The following RNF130 variants were observed in gnomAD, a reference collection of about 807,000 sequenced individuals.
The protein encoded by RNF130 is ring finger protein 130.
In RNF130, 21 loss-of-function variants were observed where a neutral mutation model predicts 44.6. That is an observed-to-expected ratio of 0.47 (90% CI 0.33 to 0.68). RNF130 has a LOEUF of 0.68. RNF130 is among the 30% of genes least tolerant of loss of function. The probability of loss-of-function intolerance (pLI) is 0.02; values close to 1 mark genes in which losing one functional copy is unlikely to be tolerated. For missense variants in RNF130, 479 were observed against 560.6 expected (o/e 0.85, Z 1.47); for synonymous variants, 214 against 210.4 (o/e 1.02, Z -0.15).
At position 179,937,571 on chromosome 5, in the gene RNF130, G is replaced by T. The variant is rs536666649; in HGVS notation, c.1151-17145C>A. Among the ~76,000 whole-genome samples, 3 of 152,308 alleles carry T rather than the reference G, an allele frequency of 2.0e-5. No individual in the cohort carries two copies. In the South Asian group the frequency reaches 6.2e-4, roughly 32 times the overall value. On this transcript the variant is annotated intron_variant, in intron 7 of 7. Transcript: ENST00000522208. ...GGGGATAACAAGTGTTGGCAAGGAG[G>T]TAGCAAATCAGAACCCTTATACATT... is the stretch of plus-strand genomic sequence containing the variant.
At chr5:180,063,785 T>G (rs1439576036) in intron 1 of RNF130, among the ~76,000 whole-genome samples, 1 of 152,158 alleles carries the variant, frequency 6.6e-6, no homozygotes, top group Non-Finnish European at 1.5e-5. Context: ...GTAGGAAGCA[T>G]GAGAAAGACC....
At chr5:179,994,766 G>A (rs1420821656) in intron 3 of RNF130, among the ~76,000 whole-genome samples, 1 of 152,242 alleles carries the variant, frequency 6.6e-6, no homozygotes, top group Non-Finnish European at 1.5e-5. Context: ...GTGCACTTAT[G>A]TAAGCAGATG....
At chr5:179,946,590 G>T (rs1161829524) in intron 7 of RNF130, among the ~76,000 whole-genome samples, 1 of 144,980 alleles carries the variant, frequency 6.9e-6, no homozygotes, top group Non-Finnish European at 1.5e-5. Flanking sequence ...GTCTCGCTCT[G>T]TCGCCCAGGC....
chr5:179,938,867 G>A (rs1761934162), intron 7 of RNF130, among the ~76,000 whole-genome samples: 1 of 152,130 alleles, frequency 6.6e-6, no homozygotes, highest in Admixed American at 6.6e-5. Context: ...CAGACAAAAT[G>A]GAAAAGCCGA....
At chr5:179,993,797 G>T (rs1470800293) in intron 3 of RNF130, among the ~76,000 whole-genome samples, 3 of 152,252 alleles carry the variant, frequency 2.0e-5, no homozygotes, top group African/African-American at 7.2e-5. Context: ...TGAAGTCCTT[G>T]CCCATGCCTA....
chr5:179,997,151 T>C (rs186602960), intron 3 of RNF130, among the ~76,000 whole-genome samples: 5 of 152,226 alleles, frequency 3.3e-5, no homozygotes, highest in African/African-American at 1.2e-4. Flanking sequence ...TAAAATTTTA[T>C]TTCTTTTGGA....
chr5:179,973,618 T>A (rs1362391414), intron 5 of RNF130, among the ~76,000 whole-genome samples: 2 of 152,150 alleles, frequency 1.3e-5, no homozygotes, highest in Admixed American at 1.3e-4. Context: ...ACCTGGCCAT[T>A]CCCGCACGCC....
At chr5:179,997,188 C>A (rs1441267204) in intron 3 of RNF130, among the ~76,000 whole-genome samples, 1 of 152,162 alleles carries the variant, frequency 6.6e-6, no homozygotes, top group Non-Finnish European at 1.5e-5. Flanking sequence ...GTTGCCCAGG[C>A]TGGAGTGCAG....
chr5:179,934,732 T>C (rs1478796806), intron 7 of RNF130, among the ~76,000 whole-genome samples: 1 of 151,822 alleles, frequency 6.6e-6, no homozygotes, highest in African/African-American at 2.4e-5. Flanking sequence ...CTTGTAGAGA[T>C]TTTTCTTGCT....
At chr5:180,004,372 C>T (rs1440294182) in intron 3 of RNF130, among the ~76,000 whole-genome samples, 1 of 152,160 alleles carries the variant, frequency 6.6e-6, no homozygotes, top group Non-Finnish European at 1.5e-5. Context: ...AATGACAAAA[C>T]CACAGAAAGG....
At chr5:179,918,330 C>T (rs1269047169) in exon 8 of RNF130, 1 of 152,154 alleles carries the variant, frequency 6.6e-6, no homozygotes, top group African/African-American at 2.4e-5. Flanking sequence ...AATTTCATAC[C>T]TTTTCAGTAA....
intron 1 of RNF130, among the ~76,000 whole-genome samples, chr5:180,069,470 T>C (rs751895935): frequency 2.0e-5 from 3 of 146,554 alleles, no homozygotes; most frequent in African/African-American, 7.5e-5. Flanking sequence ...GAATGACCCC[T>C]AGGGAATCAA....
At chr5:180,070,719 G>A (rs1382708299) in intron 1 of RNF130, among the ~76,000 whole-genome samples, 1 of 152,186 alleles carries the variant, frequency 6.6e-6, no homozygotes, top group Non-Finnish European at 1.5e-5. Flanking sequence ...ACAAATACAT[G>A]TTTACACCAA....
chr5:180,041,491 C>T (rs1764416819), intron 1 of RNF130, among the ~76,000 whole-genome samples: 2 of 152,166 alleles, frequency 1.3e-5, no homozygotes. Context: ...TCACTCTGCA[C>T]ATATGGCCAT....
At chr5:179,931,381 G>T (rs1761805523) in intron 7 of RNF130, among the ~76,000 whole-genome samples, 1 of 152,098 alleles carries the variant, frequency 6.6e-6, no homozygotes, top group Admixed American at 6.6e-5. Context: ...CATTTTCTGT[G>T]TTCTTTTGTG....
chr5:179,939,527 CT>C, intron 7 of RNF130: 1 of 252,236 alleles, frequency 4.0e-6, no homozygotes, highest in East Asian at 1.3e-4. Context: ...CATTTCTACC[CT>C]TTCTCCGCCA....
intron 3 of RNF130, among the ~76,000 whole-genome samples, chr5:179,983,851 A>C (rs1324384933): frequency 1.3e-5 from 2 of 152,172 alleles, no homozygotes; most frequent in Non-Finnish European, 2.9e-5. Flanking sequence ...GGCATATTGC[A>C]TATTTTGTCA....
intron 2 of RNF130, among the ~76,000 whole-genome samples, chr5:180,028,153 C>T (rs1561698483): frequency 6.6e-6 from 1 of 152,186 alleles, no homozygotes; most frequent in African/African-American, 2.4e-5. Context: ...GCCTAGAATA[C>T]TCTTCTCAAC....
At chr5:180,040,858 C>G (rs1328089083) in intron 1 of RNF130, among the ~76,000 whole-genome samples, 3 of 151,924 alleles carry the variant, frequency 2.0e-5, no homozygotes, top group Non-Finnish European at 4.4e-5. Flanking sequence ...ACCTATAATG[C>G]AAATTAAAAC....
Sources: allele counts gnomAD v4.1 joint callset (sites outside exome capture counted in the v4.1 genomes callset), GRCh38; gene constraint gnomAD v4.1.1; transcripts MANE v1.5; gene names NCBI Gene and HGNC (gene_info 2026-07-23, HGNC 2026-07-21).